The following TRPM7 variants were observed in gnomAD, a reference collection of about 807,000 sequenced individuals.
The protein encoded by TRPM7 is transient receptor potential cation channel subfamily M member 7.
A neutral mutation model predicts 229.7 loss-of-function variants in TRPM7; 134 were observed. The observed-to-expected ratio is 0.58, with a 90% CI of 0.51 to 0.67. TRPM7 has a LOEUF of 0.67. Ranked by LOEUF, TRPM7 falls within the 30% of genes least tolerant of loss-of-function variation. TRPM7 has a pLI of 0.00. For synonymous variants in TRPM7, 699 were observed against 715.2 expected (o/e 0.98, Z 0.36); for missense variants, 1,901 against 2,210.0 (o/e 0.86, Z 2.80).
chr15:50,590,202 T>TA (rs779633289), intron 26 of TRPM7, among the ~76,000 whole-genome samples: 3 of 151,424 alleles, frequency 2.0e-5, no homozygotes, highest in Non-Finnish European at 4.4e-5. Flanking sequence ...AAAGTCCTTA[T>TA]AAAACAAACC....
intron 12 of TRPM7, among the ~76,000 whole-genome samples, chr15:50,621,744 T>C (rs1450171620): frequency 6.6e-6 from 1 of 152,156 alleles, no homozygotes; most frequent in African/African-American, 2.4e-5. Flanking sequence ...AATAAAAACA[T>C]AGCAGGCTGG....
Position 50,613,736 on chromosome 15 carries a change from T to C in TRPM7, c.1741A>G (p.Ile581Val), listed in dbSNP as rs1332465538. 2 of 1,612,198 alleles carry C rather than the reference T, an allele frequency of 1.2e-6. No homozygotes were observed. Among genetic ancestry groups the C allele is most frequent in the Admixed American group, 3.3e-5 (2 of 59,754 alleles). Residue 581 changes from isoleucine to valine, a missense_variant, in exon 15 of 39, where the codon ATT becomes GTT. Ile to Val is a conservative substitution (Grantham distance 29). This residue lies in a region of TRPM7 where 794 missense variants were observed against 881.9 expected (regional missense o/e 0.90). Transcript: ENST00000646667. ...KKEKMRHNHF[I>V]KTAQPYRPKI... is the part of the protein sequence containing the mutation. Reference sequence around the variant, plus strand: ...GGTCGGTAGGGCTGTGCTGTCTTAATGAAATGGTTATGCCTCATTTTTTCC... The same window carrying C: ...GGTCGGTAGGGCTGTGCTGTCTTAACGAAATGGTTATGCCTCATTTTTTCC...
At chr15:50,651,140 T>C (rs2061410110) in intron 3 of TRPM7, among the ~76,000 whole-genome samples, 2 of 152,142 alleles carry the variant, frequency 1.3e-5, no homozygotes, top group Admixed American at 6.6e-5. Flanking sequence ...TCAACTGATA[T>C]GGTGCCACTG....
chr15:50,577,588 T>C (rs978706693), intron 31 of TRPM7, among the ~76,000 whole-genome samples: 6 of 152,040 alleles, frequency 3.9e-5, no homozygotes, highest in Non-Finnish European at 5.9e-5. Flanking sequence ...GAATAGAACA[T>C]TGATGAGAAG....
intron 7 of TRPM7, among the ~76,000 whole-genome samples, chr15:50,637,016 C>G (rs2060927217): frequency 6.6e-6 from 1 of 151,846 alleles, no homozygotes; most frequent in Non-Finnish European, 1.5e-5. Flanking sequence ...GTCCTAGCTA[C>G]TCAGGAGGCT....
intron 36 of TRPM7, among the ~76,000 whole-genome samples, chr15:50,572,134 A>T (rs554031371): frequency 2.6e-4 from 40 of 152,250 alleles, no homozygotes; most frequent in Non-Finnish European, 4.6e-4. Flanking sequence ...AATTTTTAAA[A>T]ATTAGCTGCA....
chr15:50,662,305 C>T (rs533556862), intron 2 of TRPM7, among the ~76,000 whole-genome samples: 21 of 143,976 alleles, frequency 1.5e-4, no homozygotes, highest in Non-Finnish European at 2.3e-4. Context: ...CCAGCCTGGA[C>T]GACAGAGCAA....
intron 31 of TRPM7, among the ~76,000 whole-genome samples, chr15:50,576,617 A>G (rs1029550521): frequency 6.6e-6 from 1 of 152,232 alleles, no homozygotes; most frequent in Non-Finnish European, 1.5e-5. Context: ...AGAAGGGGGA[A>G]GATTGACCTA....
intron 4 of TRPM7, among the ~76,000 whole-genome samples, chr15:50,645,535 T>C (rs2061238450): frequency 6.6e-6 from 1 of 152,208 alleles, no homozygotes. Context: ...TTTTGCCATG[T>C]TGGTCAGGCT....
At chr15:50,652,203 G>T (rs1254377376) in intron 3 of TRPM7, among the ~76,000 whole-genome samples, 2 of 151,082 alleles carry the variant, frequency 1.3e-5, no homozygotes, top group Admixed American at 6.6e-5. Flanking sequence ...TGTGGTGGTG[G>T]GCGCCTGTAA....
Position 50,575,757 on chromosome 15 carries a change from G to A in TRPM7, c.4702C>T (p.Gln1568Ter). 6.2e-7 allele frequency: 1 copy of A among 1,613,496 alleles called. No homozygotes were observed. Reference sequence around the variant, plus strand: ...GGCACAGGTGTAAATGGAATGCTCTGTGATAACCTCATCAAGTTATTTCTT... The same window carrying A: ...GGCACAGGTGTAAATGGAATGCTCTATGATAACCTCATCAAGTTATTTCTT... ...VERNNLMRLS[Q>*]SIPFTPVPPR... The change falls in exon 33 of 39, where the codon CAG (glutamine) becomes TAG (stop). Residue 1568 changes from glutamine to a stop codon, truncating the protein, a stop_gained. Transcript: ENST00000646667. LOFTEE classifies it high-confidence loss of function.
chr15:50,667,433 C>G (rs2061909838), intron 1 of TRPM7, among the ~76,000 whole-genome samples: 1 of 152,180 alleles, frequency 6.6e-6, no homozygotes, highest in South Asian at 2.1e-4. Context: ...TGGCCGGGCA[C>G]AGTGGTTCAC....
At chr15:50,580,578 A>C (rs2054351602) in intron 30 of TRPM7, among the ~76,000 whole-genome samples, 1 of 152,258 alleles carries the variant, frequency 6.6e-6, no homozygotes, top group Non-Finnish European at 1.5e-5. Context: ...AAATTTATTC[A>C]GGAATAAGTT....
chr15:50,597,550 T>C (rs1375676879), intron 22 of TRPM7, among the ~76,000 whole-genome samples: 1 of 152,168 alleles, frequency 6.6e-6, no homozygotes, highest in East Asian at 1.9e-4. Context: ...AGAAAGAGAA[T>C]GCAGGAAACT....
intron 3 of TRPM7, among the ~76,000 whole-genome samples, chr15:50,655,882 G>C (rs1214657584): frequency 6.6e-6 from 1 of 151,600 alleles, no homozygotes; most frequent in African/African-American, 2.4e-5. Flanking sequence ...CCCAGCTTCT[G>C]GGGAGGCTGA....
chr15:50,600,829 C>T (rs1332836164), intron 21 of TRPM7, among the ~76,000 whole-genome samples: 1 of 152,166 alleles, frequency 6.6e-6, no homozygotes, highest in Admixed American at 6.5e-5. Context: ...AGACTTGATG[C>T]TTCATCTTTA....
chr15:50,565,661 C>G (rs958642720), intron 38 of TRPM7, among the ~76,000 whole-genome samples: 1 of 152,098 alleles, frequency 6.6e-6, no homozygotes, highest in Non-Finnish European at 1.5e-5. Context: ...GACTTCCTTT[C>G]TAGTTAATCA....
In TRPM7 at chr15:50,632,944, T is replaced by C. The variant is rs1438104407; in HGVS notation, c.1056A>G (p.Lys352=). The C allele has an allele frequency of 3.1e-6, 5 of 1,606,800 alleles. No individual in the cohort carries two copies. Among genetic ancestry groups the C allele is most frequent in the Non-Finnish European group, 4.2e-6 (5 of 1,177,628 alleles). The change falls in exon 9 of 39, where the codon AAA becomes AAG. Residue 352 remains lysine, a synonymous_variant. Coordinates refer to ENST00000646667, the MANE Select transcript of TRPM7 (RefSeq NM_017672.6). The stretch of plus-strand genomic sequence containing the variant: ...CTTCATTCTGGCCAAAGTTAAATGT[T>C]TTTTTGATAGTGGAAATAATATCGG... The part of the protein sequence containing the change: ...AEPDIISTIK[K]TFNFGQNEAL...
Position 50,657,823 on chromosome 15 carries a change from T to C in TRPM7, c.84-4A>G. ...AATTTGACATCCTGGAAGGCATCTA[T>C]TGAACACAAAAAGGTAAATAAATTA... On this transcript the variant is annotated splice_region_variant and splice_polypyrimidine_tract_variant and intron_variant, in intron 2 of 38. Transcript: ENST00000646667. The C allele has an allele frequency of 1.2e-6, 2 of 1,610,354 alleles. No individual in the cohort carries two copies. Among genetic ancestry groups the C allele is most frequent in the African/African-American group, 1.3e-5 (1 of 74,976 alleles).
Sources: gnomAD v4.1 joint callset for allele counts (sites outside exome capture counted in the v4.1 genomes callset) on GRCh38, gnomAD v4.1.1 for gene constraint, gnomAD v4.1.1 regional missense constraint, MANE v1.5 for transcripts, NCBI Gene and HGNC (gene_info 2026-07-23, HGNC 2026-07-21) for gene names.